The following JMJD8 variants were observed in gnomAD, a reference collection of about 807,000 sequenced individuals.
The protein encoded by JMJD8 is jumonji domain containing 8, also known as jmjC domain-containing protein 8.
In JMJD8, 56 loss-of-function variants were observed where a neutral mutation model predicts 37.6. The observed-to-expected ratio is 1.49, with a 90% CI of 1.20 to 1.86. The LOEUF is 1.86. Among genes scored for constraint, JMJD8 ranks in the 40% most tolerant of loss-of-function variants. The pLI, the probability that JMJD8 is intolerant of heterozygous loss-of-function variation, is 0.00. For missense variants in JMJD8, 542 were observed against 362.7 expected (o/e 1.49, Z -4.01); for synonymous variants, 261 against 163.7 (o/e 1.59, Z -4.54).
rs1233923069 is a variant in JMJD8 at position 683,387 on chromosome 16, C to G, written c.446G>C (p.Arg149Pro). 7 of 1,555,518 alleles carry G rather than the reference C, an allele frequency of 4.5e-6. No homozygotes were observed. Among genetic ancestry groups the G allele is most frequent in the Non-Finnish European group, 6.1e-6 (7 of 1,149,382 alleles). The part of the protein sequence containing the change: ...NNFTEWASLF[R>P]HYSPPPFGLL... ...GCCAAATGGGGGTGGGGAGTAGTGC[C>G]GAAAGAGAGAGGCCCACTCGGTGAA... The change falls in exon 6 of 9, where the codon CGG becomes CCG. Residue 149 changes from arginine (R) to proline (P), a missense_variant. Physicochemically the swap from Arg to Pro is moderately radical, Grantham distance 103. Transcript: ENST00000609261.
At chr16:683,127 G>C in intron 7 of JMJD8, 40 bp from the exon 8 acceptor site, 1 of 1,613,460 alleles carries the variant, frequency 6.2e-7, no homozygotes, top group Non-Finnish European at 8.5e-7. Flanking sequence ...GCCCGTTTTG[G>C]TCAGCGAGTC....
At position 682,013 on chromosome 16, in the gene JMJD8, T is replaced by G. The variant is rs1344217806; in HGVS notation, c.*781A>C. 2 of 1,606,896 alleles carry G rather than the reference T, an allele frequency of 1.2e-6. No homozygotes were observed. The highest frequency in any genetic ancestry group is 2.2e-5 in the East Asian group (1 of 44,658). ...CTCCCCCAAGCACAGCACTCAACTCTTCACAGGACAAGTACATGGCGGACA... is the reference window on the plus strand; with the variant it reads ...CTCCCCCAAGCACAGCACTCAACTCGTCACAGGACAAGTACATGGCGGACA... On this transcript the variant is annotated 3_prime_UTR_variant, in exon 9 of 9. Transcript: ENST00000609261.
At position 683,207 on chromosome 16, in the gene JMJD8, C is replaced by T; in HGVS notation, c.539G>A (p.Trp180Ter). The change falls in exon 7 of 9, where the codon TGG becomes TAG. Residue 180 changes from tryptophan (W) to a stop codon, truncating the protein, a stop_gained. Transcript: ENST00000609261. LOFTEE classifies it high-confidence loss of function. ...CACTTCTGAGTACCCGGGTCCATGC[C>T]AGTGGAAGGGCACCCCCGAGCCAGC... ...AGAGSGVPFH[W>*]HGPGYSEVIY... 2 of 1,613,180 alleles carry T rather than the reference C, an allele frequency of 1.2e-6. No individual in the cohort carries two copies. The highest frequency in any genetic ancestry group is 1.6e-4 in the Middle Eastern group (1 of 6,062).
chr16:683,273 T>A (rs1567286334), intron 6 of JMJD8, 39 bp from the exon 7 acceptor site: 1 of 1,612,832 alleles, frequency 6.2e-7, no homozygotes, highest in East Asian at 2.2e-5. Flanking sequence ...ACCCATTTTG[T>A]ACTCACCGAC....
In JMJD8 at chr16:684,225, G is replaced by C. The variant is rs1374727084; in HGVS notation, c.86+9C>G. The stretch of plus-strand genomic sequence containing the variant: ...GACCCCACCGCCCGGCCCCTCCCGG[G>C]CCGCTCACCACCCGCCGTCGCCCTC... On this transcript the variant is annotated intron_variant, in intron 1 of 8. Coordinates refer to ENST00000609261, the MANE Select transcript of JMJD8 (RefSeq NM_001005920.4). The C allele has an allele frequency of 3.7e-6, 5 of 1,335,884 alleles. No individual in the cohort carries two copies. The highest frequency in any genetic ancestry group is 4.8e-6 in the Non-Finnish European group (5 of 1,051,894). The allele number at this position is 1,335,884 out of a possible 1,614,324, so 82.8% of individuals were successfully genotyped here.
At position 683,797 on chromosome 16, in the gene JMJD8, G is replaced by C. The variant is rs1274578810; in HGVS notation, c.226-16C>G. On this transcript the variant is annotated splice_polypyrimidine_tract_variant and intron_variant, in intron 3 of 8. Transcript: ENST00000609261. ...CCCGGAACCTCTGCGGGGGCGGGGA[G>C]GGGACTTAGTGGCCGGGCCCAGCAC... is the stretch of plus-strand genomic sequence containing the variant. 1.3e-6 allele frequency: 2 copies of C among 1,596,800 alleles called. No homozygotes were observed. The highest frequency in any genetic ancestry group is 1.7e-6 in the Non-Finnish European group (2 of 1,172,772).
In JMJD8 at chr16:684,118, GCTC is replaced by G. The variant is rs1315601669; in HGVS notation, c.121_123del (p.Glu41del). On this transcript the variant is annotated inframe_deletion, in exon 2 of 9. Coordinates refer to ENST00000609261, the MANE Select transcript of JMJD8 (RefSeq NM_001005920.4). ...TCGGCCCGACGCTCCACCGTGCAGC[GCTC>G]CTCCTCCGCCACGGCCCCCGGCCCG... 29 of 1,542,050 alleles carry G rather than the reference GCTC, an allele frequency of 1.9e-5. No individual in the cohort carries two copies. Among genetic ancestry groups the G allele is most frequent in the South Asian group, 5.9e-5 (5 of 84,564 alleles).
chr16:683,326 GATTCCAA>G lies in JMJD8; in HGVS notation c.500_506del (p.Phe167SerfsTer20). ...CCAGTCCCAAGAAGCACCCACCTGC[GATTCCAA>G]AGCTGTAAGCTGGAGCGGTTCCCAG... On this transcript the variant is annotated frameshift_variant, in exon 6 of 9. Coordinates refer to ENST00000609261, the MANE Select transcript of JMJD8 (RefSeq NM_001005920.4). LOFTEE classifies it high-confidence loss of function. 3.1e-6 allele frequency: 5 copies of G among 1,592,098 alleles called. No homozygotes were observed. Among genetic ancestry groups the G allele is most frequent in the Non-Finnish European group, 3.4e-6 (4 of 1,169,070 alleles).
rs766775352 is a variant in JMJD8 at position 682,143 on chromosome 16, AC to A, written c.*650del. ...GTGCAGTGCCCCTTTTCAGCCTCTG[AC>A]CGTGTGCCCCTGTGCCACAGAAGCG... is the stretch of plus-strand genomic sequence containing the variant. On this transcript the variant is annotated 3_prime_UTR_variant, in exon 9 of 9. Coordinates refer to ENST00000609261, the MANE Select transcript of JMJD8 (RefSeq NM_001005920.4). 149 of 1,595,828 alleles carry A rather than the reference AC, an allele frequency of 9.3e-5. No homozygotes were observed. The Admixed American group carries it at 9.7e-4, about 10-fold the overall frequency.
chr16:682,858 T>G lies in JMJD8; in HGVS notation c.731A>C (p.Asp244Ala). 6.2e-7 allele frequency: 1 copy of G among 1,612,978 alleles called. No homozygotes were observed. ...IRAGEVLYFP[D>A]RWWHATLNLD... The stretch of plus-strand genomic sequence containing the variant: ...GTTGAGCGTAGCATGCCACCAGCGG[T>G]CGGGGAAGTACAGCACCTGGTGGAG... The change falls in exon 9 of 9, where the codon GAC (aspartate) becomes GCC (alanine). Residue 244 changes from aspartate to alanine, a missense_variant. Transcript: ENST00000609261.
rs779560132 is a variant in JMJD8, at chr16:681,848, C to T, written c.*946G>A. 23 of 1,611,718 alleles carry T rather than the reference C, an allele frequency of 1.4e-5. No individual in the cohort carries two copies. Among genetic ancestry groups the T allele is most frequent in the South Asian group, 2.2e-5 (2 of 91,026 alleles). ...GGGTGATGAGGACGACAGCCACGTC[C>T]GGGCCCAGCAGGCCTGCATTGAGGC... On this transcript the variant is annotated 3_prime_UTR_variant, in exon 9 of 9. Transcript: ENST00000609261.
In JMJD8 at chr16:683,309, A is replaced by G. The variant is rs1256759614; in HGVS notation, c.511+13T>C. On this transcript the variant is annotated intron_variant, in intron 6 of 8. Transcript: ENST00000609261. ...AGAAGCCTCAGTCCTTCCCAGTCCCAAGAAGCACCCACCTGCGATTCCAAA... is the reference window on the plus strand; with the variant it reads ...AGAAGCCTCAGTCCTTCCCAGTCCCGAGAAGCACCCACCTGCGATTCCAAA... 1 of 1,605,196 alleles carries G rather than the reference A, an allele frequency of 6.2e-7. No individual in the cohort carries two copies. Among genetic ancestry groups the G allele is most frequent in the Non-Finnish European group, 8.5e-7 (1 of 1,175,828 alleles).
In JMJD8 at chr16:683,794, G is replaced by A; in HGVS notation, c.226-13C>T. 6.3e-7 allele frequency: 1 copy of A among 1,598,904 alleles called. No homozygotes were observed. On this transcript the variant is annotated splice_polypyrimidine_tract_variant and intron_variant, in intron 3 of 8. Transcript: ENST00000609261. ...GGGCCCGGAACCTCTGCGGGGGCGGGGAGGGGACTTAGTGGCCGGGCCCAG... is the reference window on the plus strand; with the variant it reads ...GGGCCCGGAACCTCTGCGGGGGCGGAGAGGGGACTTAGTGGCCGGGCCCAG...
Position 682,498 on chromosome 16 carries a change from G to A in JMJD8, c.*296C>T. The A allele has an allele frequency of 6.2e-7, 1 of 1,613,070 alleles. No homozygotes were observed. Among genetic ancestry groups the A allele is most frequent in the Non-Finnish European group, 8.5e-7 (1 of 1,179,944 alleles). ...GGGTGGAGGACTACTGAGGTTCCCT[G>A]CCCTACCTGGCGTCCTGGTCCAGGG... On this transcript the variant is annotated 3_prime_UTR_variant, in exon 9 of 9. Transcript: ENST00000609261.
Position 683,544 on chromosome 16 carries a change from G to A in JMJD8, c.377C>T (p.Thr126Ile), listed in dbSNP as rs2039786310. Residue 126 changes from threonine (T) to isoleucine (I), a missense_variant, in exon 5 of 9, where the codon ACC becomes ATC. By Grantham distance (89) the Thr-to-Ile change is moderately conservative (BLOSUM62 -1). Transcript: ENST00000609261. ...GGCTGCCTCACCATTGCCCAGGGAG[G>A]TGGGGTCCTGGGGGTGCAGCAGCTG... ...VEQLLHPQDP[T>I]SLGNDTLYFF... is the part of the protein sequence containing the mutation. 6.4e-7 allele frequency: 1 copy of A among 1,563,920 alleles called. No individual in the cohort carries two copies. The highest frequency in any genetic ancestry group is 8.7e-7 in the Non-Finnish European group (1 of 1,154,098).
In JMJD8 at chr16:683,426, A is replaced by C. The variant is rs1596557875; in HGVS notation, c.407T>G (p.Phe136Cys). 1 of 1,552,002 alleles carries C rather than the reference A, an allele frequency of 6.4e-7. No homozygotes were observed. The highest frequency in any genetic ancestry group is 1.4e-5 in the African/African-American group (1 of 73,078). ...CCACTCGGTGAAGTTGTTGTCCCCG[A>C]AGAAGTACAGGGTGTCTGCCAACAG... ...TSLGNDTLYFFGDNNFTEWAS... is the reference protein window; with the variant it reads ...TSLGNDTLYFCGDNNFTEWAS... Residue 136 changes from phenylalanine to cysteine, a missense_variant, in exon 6 of 9, where the codon TTC becomes TGC. Physicochemically the swap from Phe to Cys is radical, Grantham distance 205. Coordinates refer to ENST00000609261, the MANE Select transcript of JMJD8 (RefSeq NM_001005920.4).
In JMJD8 at chr16:683,010, T is replaced by G; in HGVS notation, c.657A>C (p.Thr219=). The change falls in exon 8 of 9, where the codon ACA becomes ACC. Residue 219 remains threonine, a synonymous_variant. Coordinates refer to ENST00000609261, the MANE Select transcript of JMJD8 (RefSeq NM_001005920.4). ...GTGCAGACGGTGGCAGGGCTGGGTA[T>G]GTGTCCCGGAGCCAGGCCAGCGTGG... ...NKTTLAWLRD[T]YPALPPSARP... 1.2e-6 allele frequency: 2 copies of G among 1,613,396 alleles called. No homozygotes were observed. The highest frequency in any genetic ancestry group is 1.7e-6 in the Non-Finnish European group (2 of 1,179,868).
In JMJD8 at chr16:682,232, C is replaced by T. The variant is rs587777343; in HGVS notation, c.*562G>A. 3.1e-6 allele frequency: 5 copies of T among 1,613,086 alleles called. No homozygotes were observed. The highest frequency in any genetic ancestry group is 4.2e-6 in the Non-Finnish European group (5 of 1,179,998). Reference sequence around the variant, plus strand: ...GAGCTGATGCGGGAGCCGTGCATCACGCCCAGTGGCATCACCTACGACCGC... The same window carrying T: ...GAGCTGATGCGGGAGCCGTGCATCATGCCCAGTGGCATCACCTACGACCGC... On this transcript the variant is annotated 3_prime_UTR_variant, in exon 9 of 9. Coordinates refer to ENST00000609261, the MANE Select transcript of JMJD8 (RefSeq NM_001005920.4).
chr16:683,155 C>T lies in JMJD8; in HGVS notation c.579+12G>A, dbSNP rs1327299705. 5.0e-6 allele frequency: 8 copies of T among 1,613,478 alleles called. No homozygotes were observed. Among genetic ancestry groups the T allele is most frequent in the African/African-American group, 1.3e-5 (1 of 75,034 alleles). ...AGCGAGTCCCAAGCCTCAACCCCCA[C>T]CCCGTGCTGACCTTACGACCGTAGA... On this transcript the variant is annotated intron_variant, in intron 7 of 8. Transcript: ENST00000609261.
Sources: allele counts gnomAD v4.1 joint callset, GRCh38; gene constraint gnomAD v4.1.1; transcripts MANE v1.5; gene names NCBI Gene and HGNC (gene_info 2026-07-23, HGNC 2026-07-21).